Variants in FOCAD observed in about 807,000 individuals in gnomAD.
FOCAD encodes the protein KIAA1797.
In FOCAD, 198 loss-of-function variants were observed where a neutral mutation model predicts 225.6. The ratio of observed to expected loss-of-function variants is 0.88; its 90% CI spans 0.78 to 0.99. The LOEUF (loss-of-function observed/expected upper bound fraction) is 0.99, where lower values mean the gene tolerates loss of function less well. Among genes scored for constraint, FOCAD ranks in the 50% least tolerant of loss-of-function variants. FOCAD has a pLI of 0.00. For synonymous variants in FOCAD, 897 were observed against 755.0 expected (o/e 1.19, Z -3.08); for missense variants, 2,713 against 2,123.6 (o/e 1.28, Z -5.46).
At chr9:20,963,993 T>TA (rs150333427) in intron 35 of FOCAD, among the ~76,000 whole-genome samples, 2,269 of 152,304 alleles carry the variant, frequency 0.015, 48 homozygotes, top group African/African-American at 0.051. Flanking sequence ...ACCTAATAGA[T>TA]ACTCGGTAAA....
At chr9:20,930,799 G>C (rs140040831) in intron 27 of FOCAD, among the ~76,000 whole-genome samples, 2 of 152,170 alleles carry the variant, frequency 1.3e-5, no homozygotes, top group African/African-American at 4.8e-5. Context: ...TATAGGTCTT[G>C]TTCTGGAGAT....
chr9:20,880,579 TAAG>T (rs1830586302), intron 19 of FOCAD, among the ~76,000 whole-genome samples: 1 of 152,136 alleles, frequency 6.6e-6, no homozygotes, highest in African/African-American at 2.4e-5. Flanking sequence ...AGAGGATAGA[TAAG>T]AAGGAGTAAA....
intron 23 of FOCAD, among the ~76,000 whole-genome samples, chr9:20,913,445 A>G (rs1411074846): frequency 2.0e-5 from 3 of 152,098 alleles, no homozygotes; most frequent in East Asian, 3.9e-4. Flanking sequence ...TATATCATCT[A>G]GAAATATATT....
chr9:20,659,575 C>G (rs1821648848), intron 2 of FOCAD, among the ~76,000 whole-genome samples: 1 of 152,176 alleles, frequency 6.6e-6, no homozygotes. Context: ...ATCTGCATGT[C>G]AAGGAGCTAG....
chr9:20,742,559 C>G (rs1019222867), intron 5 of FOCAD, among the ~76,000 whole-genome samples: 7 of 152,196 alleles, frequency 4.6e-5, no homozygotes, highest in African/African-American at 1.2e-4. Flanking sequence ...AGAGTCAGAA[C>G]TGCATTTTAG....
intron 15 of FOCAD, 65 bp from the exon 16 acceptor site, chr9:20,862,513 T>A: frequency 3.2e-5 from 49 of 1,544,304 alleles, no homozygotes; most frequent in Non-Finnish European, 4.1e-5. Flanking sequence ...TATAGTACTC[T>A]TAATTAATGG....
chr9:20,813,476 G>C (rs1823308566), intron 11 of FOCAD, among the ~76,000 whole-genome samples: 1 of 152,106 alleles, frequency 6.6e-6, no homozygotes, highest in Non-Finnish European at 1.5e-5. Context: ...CCCACCAACA[G>C]TGCACAGATG....
intron 1 of FOCAD, among the ~76,000 whole-genome samples, chr9:20,713,480 C>A (rs138601070): frequency 0.022 from 3,368 of 152,286 alleles, 121 homozygotes; most frequent in African/African-American, 0.078. Context: ...GGAAAGTGTG[C>A]ACTTCTCCCA....
intron 24 of FOCAD, among the ~76,000 whole-genome samples, chr9:20,921,321 A>G (rs1296337300): frequency 6.6e-6 from 1 of 152,216 alleles, no homozygotes; most frequent in African/African-American, 2.4e-5. Flanking sequence ...TTTAAAGGAC[A>G]ATTTAATTAA....
At chr9:20,752,099 T>G (rs1397836787) in intron 5 of FOCAD, among the ~76,000 whole-genome samples, 1 of 146,890 alleles carries the variant, frequency 6.8e-6, no homozygotes, top group Non-Finnish European at 1.5e-5. Context: ...TTTCTCCCAT[T>G]TTGTAGGTTG....
At chr9:20,985,170 A>G (rs1352946694) in intron 39 of FOCAD, among the ~76,000 whole-genome samples, 2 of 152,206 alleles carry the variant, frequency 1.3e-5, no homozygotes, top group Non-Finnish European at 1.5e-5. Context: ...AAACTCATAT[A>G]CTTTGTTACA....
intron 1 of FOCAD, among the ~76,000 whole-genome samples, chr9:20,688,259 T>A (rs1316630373): frequency 6.6e-6 from 1 of 152,180 alleles, no homozygotes; most frequent in Non-Finnish European, 1.5e-5. Context: ...TTGCATTACA[T>A]GTGACAGAAC....
At chr9:20,957,934 G>A (rs542608030) in intron 35 of FOCAD, among the ~76,000 whole-genome samples, 11 of 152,010 alleles carry the variant, frequency 7.2e-5, no homozygotes, top group African/African-American at 1.4e-4. Flanking sequence ...GCCAGGCCTC[G>A]TTGCCCTTCA....
intron 2 of FOCAD, among the ~76,000 whole-genome samples, chr9:20,668,618 T>A (rs1185506968): frequency 6.6e-6 from 1 of 152,222 alleles, no homozygotes; most frequent in Non-Finnish European, 1.5e-5. Flanking sequence ...CAGGGCATGA[T>A]GGCCACTGAA....
At chr9:20,805,307 G>A (rs1253847079) in intron 11 of FOCAD, among the ~76,000 whole-genome samples, 1 of 152,154 alleles carries the variant, frequency 6.6e-6, no homozygotes, top group Non-Finnish European at 1.5e-5. Flanking sequence ...TTGATCTGAG[G>A]TGAAGCTTTA....
chr9:20,966,984 A>T (rs1839321403), intron 35 of FOCAD, among the ~76,000 whole-genome samples: 1 of 151,630 alleles, frequency 6.6e-6, no homozygotes, highest in African/African-American at 2.4e-5. Flanking sequence ...TTTTTTCAAG[A>T]TATTTTTTTT....
At chr9:20,979,735 T>G (rs1840527144) in intron 37 of FOCAD, among the ~76,000 whole-genome samples, 1 of 152,212 alleles carries the variant, frequency 6.6e-6, no homozygotes. Flanking sequence ...GGTATTAACT[T>G]CATTCCACCT....
At chr9:20,680,395 CA>C (rs1483817573), upstream of FOCAD, among the ~76,000 whole-genome samples, 1 of 151,860 alleles carries the variant, frequency 6.6e-6, no homozygotes, top group Non-Finnish European at 1.5e-5. Context: ...CCGTCTCTAC[CA>C]AAAATACAAA....
rs1221282715 is a variant in FOCAD, at chr9:20,757,485, A to G, written c.393-605A>G. Among the ~76,000 whole-genome samples the G allele has an allele frequency of 3.3e-5, 5 of 152,336 alleles. No homozygotes were observed. The South Asian group carries it at 1.0e-3, about 32-fold the overall frequency. ...AGGTATCTTAATAGAAGTAGCTCAA[A>G]TAAACGGATTCATCTGCATTCAACA... is the stretch of plus-strand genomic sequence containing the variant. On this transcript the variant is annotated intron_variant, in intron 5 of 43. Transcript: ENST00000338382.
Sources: gnomAD v4.1 joint callset for allele counts (sites outside exome capture counted in the v4.1 genomes callset) on GRCh38, gnomAD v4.1.1 for gene constraint, MANE v1.5 for transcripts, NCBI Gene and HGNC (gene_info 2026-07-23, HGNC 2026-07-21) for gene names.